ZBTB8A: variants seen among roughly 807,000 people sequenced by gnomAD.
The protein encoded by ZBTB8A is zinc finger and BTB domain containing 8A, also known as zinc finger and BTB domain-containing protein 8A.
Under a neutral mutation model 37.8 loss-of-function variants are expected in ZBTB8A, and 19 were observed. The ratio of observed to expected loss-of-function variants is 0.50; its 90% confidence interval spans 0.35 to 0.74. The LOEUF (loss-of-function observed/expected upper bound fraction) is 0.74, where lower values mean the gene tolerates loss of function less well. Ranked by LOEUF, ZBTB8A falls within the 30% of genes least tolerant of loss-of-function variation. ZBTB8A has a pLI of 0.01. For missense variants in ZBTB8A, 394 were observed against 537.8 expected (o/e 0.73, Z 2.65); for synonymous variants, 181 against 185.2 (o/e 0.98, Z 0.19).
chr1:32,547,058 C>T (rs1557700295), intron 1 of ZBTB8A, among the ~76,000 whole-genome samples: 1 of 151,872 alleles, frequency 6.6e-6, no homozygotes, highest in Non-Finnish European at 1.5e-5. Context: ...TATACTACCA[C>T]ACACCTGGCT....
intron 2 of ZBTB8A, among the ~76,000 whole-genome samples, chr1:32,569,582 CGTT>C (rs1336915085): frequency 6.6e-6 from 1 of 151,414 alleles, no homozygotes; most frequent in Non-Finnish European, 1.5e-5. Context: ...TTAGTAGAGA[CGTT>C]GTTTCACCGT....
chr1:32,543,924 C>A (rs943412864), intron 1 of ZBTB8A, among the ~76,000 whole-genome samples: 1 of 152,190 alleles, frequency 6.6e-6, no homozygotes, highest in African/African-American at 2.4e-5. Context: ...GATCCGCCCG[C>A]CTCGGCCTCC....
At chr1:32,557,069 A>G (rs1180719013) in intron 2 of ZBTB8A, among the ~76,000 whole-genome samples, 2 of 152,134 alleles carry the variant, frequency 1.3e-5, no homozygotes, top group Non-Finnish European at 2.9e-5. Flanking sequence ...TGGGAGTCCA[A>G]GGCAGGTGGA....
chr1:32,553,976 G>GAT (rs927062591), intron 2 of ZBTB8A, among the ~76,000 whole-genome samples: 2 of 151,768 alleles, frequency 1.3e-5, no homozygotes, highest in African/African-American at 2.4e-5. Context: ...AAGGCAGGAG[G>GAT]ATCACCTGAA....
chr1:32,562,566 C>T (rs543816621), intron 2 of ZBTB8A, among the ~76,000 whole-genome samples: 256 of 142,758 alleles, frequency 1.8e-3, no homozygotes, highest in African/African-American at 6.2e-3. Context: ...CCACCGCGTC[C>T]GGCTTTTTTT....
rs567895227 is a variant in ZBTB8A at position 32,541,460 on chromosome 1, C to CT, written c.-84+1890dup. Among the ~76,000 whole-genome samples, 766 of 152,344 alleles carry CT rather than the reference C, an allele frequency of 5.0e-3. 2 individuals are homozygous for CT. The highest frequency in any genetic ancestry group is 8.6e-3 in the Non-Finnish European group (583 of 68,024). On this transcript the variant is annotated intron_variant, in intron 1 of 4. Transcript: ENST00000373510. ...CCTTTGGACTTTACCCAAATGCCAT[C>CT]TTCTCAATGAGGCTTTCCTCAACTA...
intron 2 of ZBTB8A, among the ~76,000 whole-genome samples, chr1:32,573,345 A>G (rs187586187): frequency 5.7e-4 from 85 of 149,476 alleles, no homozygotes; most frequent in African/African-American, 1.8e-3. Context: ...AAGTGCTGTG[A>G]TTACAGGCGT....
chr1:32,556,615 C>A lies in ZBTB8A; in HGVS notation c.-2+3075C>A, dbSNP rs147460916. ...GTATAGGGCCGGGCACAGTGGCTCA[C>A]GCCTGTAATCCCAGCACTTTGGGAG... On this transcript the variant is annotated intron_variant, in intron 2 of 4. Coordinates refer to ENST00000373510, the MANE Select transcript of ZBTB8A (RefSeq NM_001040441.3). Among the ~76,000 whole-genome samples the A allele has an allele frequency of 3.5e-3, 540 of 152,236 alleles. 6 individuals carry two copies. In the East Asian group the frequency reaches 0.044, roughly 12 times the overall value.
intron 1 of ZBTB8A, among the ~76,000 whole-genome samples, chr1:32,541,249 TA>T (rs1245025817): frequency 6.6e-6 from 1 of 152,194 alleles, no homozygotes; most frequent in African/African-American, 2.4e-5. Flanking sequence ...CATAATAGTC[TA>T]TGCAGCCTTA....
chr1:32,574,007 C>T (rs945754350), intron 2 of ZBTB8A, among the ~76,000 whole-genome samples: 7 of 151,602 alleles, frequency 4.6e-5, no homozygotes, highest in South Asian at 2.1e-4. Flanking sequence ...ACCCGGGAGG[C>T]GGAGGTTGCA....
intron 1 of ZBTB8A, among the ~76,000 whole-genome samples, chr1:32,540,785 A>G (rs769183438): frequency 2.6e-5 from 4 of 152,210 alleles, no homozygotes; most frequent in Non-Finnish European, 5.9e-5. Context: ...CTCACTGATA[A>G]GCAGGGATCA....
intron 2 of ZBTB8A, among the ~76,000 whole-genome samples, chr1:32,590,800 A>G (rs914823738): frequency 3.3e-5 from 5 of 152,144 alleles, no homozygotes; most frequent in African/African-American, 1.2e-4. Context: ...AGTCTAAACT[A>G]GGATACTACT....
chr1:32,546,443 CAAA>C (rs564314196), intron 1 of ZBTB8A, among the ~76,000 whole-genome samples: 4 of 134,646 alleles, frequency 3.0e-5, no homozygotes, highest in African/African-American at 1.1e-4. Context: ...GACTCTGTCT[CAAA>C]AAAAAAAATA....
chr1:32,569,011 A>G (rs983788098), intron 2 of ZBTB8A, among the ~76,000 whole-genome samples: 1 of 152,158 alleles, frequency 6.6e-6, no homozygotes, highest in Non-Finnish European at 1.5e-5. Context: ...GTCTTAGAGT[A>G]GGTATAACTT....
rs769795468 is a variant in ZBTB8A at position 32,600,127 on chromosome 1, G to A, written c.1034G>A (p.Arg345His). ...AAACTCATCTGCAGAAAATGTAAAC[G>A]TCATGTGACAGATCTAACAGGGCAA... Reference protein sequence around the residue: ...ACKLICRKCKRHVTDLTGQVV... With the variant: ...ACKLICRKCKHHVTDLTGQVV... Residue 345 changes from arginine (R) to histidine (H), a missense_variant, in exon 5 of 5, where the codon CGT becomes CAT. By Grantham distance (29) the Arg-to-His change is conservative. This residue lies in a region of ZBTB8A where 42 missense variants were observed against 96.4 expected (regional missense o/e 0.44). Coordinates refer to ENST00000373510, the MANE Select transcript of ZBTB8A (RefSeq NM_001040441.3). 7.4e-6 allele frequency: 12 copies of A among 1,613,828 alleles called. No homozygotes were observed. The highest frequency in any genetic ancestry group is 3.3e-5 in the Admixed American group (2 of 59,990).
intron 2 of ZBTB8A, among the ~76,000 whole-genome samples, chr1:32,575,659 A>G (rs1378680984): frequency 6.6e-6 from 1 of 151,528 alleles, no homozygotes; most frequent in Non-Finnish European, 1.5e-5. Context: ...GACCAGCCTG[A>G]GCAACACAGC....
chr1:32,597,058 G>A (rs957086488), intron 4 of ZBTB8A, among the ~76,000 whole-genome samples: 4 of 152,048 alleles, frequency 2.6e-5, no homozygotes, highest in African/African-American at 9.6e-5. Context: ...CCAGGCTGGA[G>A]TGTAATGGCG....
chr1:32,591,948 A>G (rs1257453687), intron 2 of ZBTB8A, among the ~76,000 whole-genome samples: 2 of 151,976 alleles, frequency 1.3e-5, no homozygotes, highest in African/African-American at 4.8e-5. Context: ...GGATCAAGCG[A>G]TTCTCCTGCC....
At chr1:32,552,086 A>G (rs1242212481) in intron 1 of ZBTB8A, among the ~76,000 whole-genome samples, 1 of 152,118 alleles carries the variant, frequency 6.6e-6, no homozygotes, top group African/African-American at 2.4e-5. Flanking sequence ...TGTTTGGTCC[A>G]GGGACAGTGG....
Sources: gnomAD v4.1 joint callset for allele counts (sites outside exome capture counted in the v4.1 genomes callset) on GRCh38, gnomAD v4.1.1 for gene constraint, gnomAD v4.1.1 regional missense constraint, MANE v1.5 for transcripts, NCBI Gene and HGNC (gene_info 2026-07-23, HGNC 2026-07-21) for gene names.